Variants in CYRIA observed in about 807,000 individuals in gnomAD.
CYRIA encodes the protein CYFIP-related Rac1 interactor A.
CYRIA carries 15 observed loss-of-function variants against 43.9 expected under a neutral mutation model. That is an observed-to-expected ratio of 0.34 (90% CI 0.23 to 0.53). The LOEUF (loss-of-function observed/expected upper bound fraction) is 0.53. CYRIA is among the 20% of genes least tolerant of loss of function. The probability of loss-of-function intolerance (pLI) is 0.94; values close to 1 mark genes in which losing one functional copy is unlikely to be tolerated. For synonymous variants in CYRIA, 117 were observed against 136.0 expected, an observed-to-expected ratio of 0.86 and a Z score of 0.97; for missense variants, 236 against 394.2, an observed-to-expected ratio of 0.60 and a Z score of 3.40.
chr2:16,587,726 T>C (rs1261526494), intron 3 of CYRIA, among the ~76,000 whole-genome samples: 2 of 151,992 alleles, frequency 1.3e-5, no homozygotes, highest in Non-Finnish European at 2.9e-5. Context: ...TGACAGTGAA[T>C]AGGAGTTTCA....
At chr2:16,592,818 A>G (rs1181238505) in intron 2 of CYRIA, among the ~76,000 whole-genome samples, 1 of 152,202 alleles carries the variant, frequency 6.6e-6, no homozygotes, top group Non-Finnish European at 1.5e-5. Flanking sequence ...GAAAAAAACA[A>G]AAAGCTGTAC....
chr2:16,622,292 T>C (rs2103508510), intron 2 of CYRIA, among the ~76,000 whole-genome samples: 1 of 152,268 alleles, frequency 6.6e-6, no homozygotes. Flanking sequence ...AGAGAAAACC[T>C]TCCAATGGCC....
At chr2:16,554,985 G>A (rs1666455011) in intron 11 of CYRIA, 84 bp downstream of exon 11, 3 of 998,454 alleles carry the variant, frequency 3.0e-6, no homozygotes. Flanking sequence ...GTTAAGTTTG[G>A]TGCTATCCAC....
intron 2 of CYRIA, among the ~76,000 whole-genome samples, chr2:16,621,267 G>A (rs763410101): frequency 8.5e-5 from 13 of 152,176 alleles, no homozygotes; most frequent in Non-Finnish European, 1.9e-4. Flanking sequence ...ACCTGTGGGA[G>A]GTTCCAGTGG....
At position 16,650,038 on chromosome 2, in the gene CYRIA, A is replaced by C. The variant is rs1401790012; in HGVS notation, c.-167+15742T>G. The stretch of plus-strand genomic sequence containing the variant: ...GAGCATGACACATTCCAAGAAGCAC[A>C]CACCCCCTCAGCCCAGGTTCCAGAA... On this transcript the variant is annotated intron_variant, in intron 1 of 11. Transcript: ENST00000381323. This position sits in a 1 kb window ranked among gnomAD's most constrained non-coding sequence, Gnocchi z 4.1. Among the ~76,000 whole-genome samples the C allele has an allele frequency of 1.3e-5, 2 of 152,150 alleles. No homozygotes were observed. Among genetic ancestry groups the C allele is most frequent in the Admixed American group, 1.3e-4 (2 of 15,282 alleles).
chr2:16,647,874 G>C (rs1339395583), intron 1 of CYRIA, among the ~76,000 whole-genome samples: 1 of 152,100 alleles, frequency 6.6e-6, no homozygotes, highest in Non-Finnish European at 1.5e-5. Flanking sequence ...CCTGTGAATG[G>C]CCTTTGTGCT....
In CYRIA at chr2:16,560,975, T is replaced by G. The variant is rs1215865133; in HGVS notation, c.710+15A>C. Reference sequence around the variant, plus strand: ...GTGAAGTCTCAACCACGAATACATCTCTGATTTAACTTACGGAGTTTCCAG... The same window carrying G: ...GTGAAGTCTCAACCACGAATACATCGCTGATTTAACTTACGGAGTTTCCAG... On this transcript the variant is annotated intron_variant, in intron 9 of 11. Transcript: ENST00000381323. 2.5e-6 allele frequency: 4 copies of G among 1,611,250 alleles called. No individual in the cohort carries two copies. Among genetic ancestry groups the G allele is most frequent in the Non-Finnish European group, 3.4e-6 (4 of 1,177,604 alleles).
chr2:16,618,503 C>T (rs917304887), intron 2 of CYRIA, among the ~76,000 whole-genome samples: 20 of 152,232 alleles, frequency 1.3e-4, no homozygotes, highest in African/African-American at 4.8e-4. Flanking sequence ...CCCCTAAGAA[C>T]AAGAAACCAG....
rs1666332700 is a variant in CYRIA, at chr2:16,552,018, T to C, written c.*918A>G. On this transcript the variant is annotated 3_prime_UTR_variant, in exon 12 of 12. Coordinates refer to ENST00000381323, the MANE Select transcript of CYRIA (RefSeq NM_030797.4). ...AATGCAGTATCCTAGACCTTTGTTC[T>C]CATATGAATGGTCTTCAGAGAACAG... 1 of 152,128 alleles carries C rather than the reference T, an allele frequency of 6.6e-6. No individual in the cohort carries two copies. Among genetic ancestry groups the C allele is most frequent in the Non-Finnish European group, 1.5e-5 (1 of 68,010 alleles). The allele number at this position is 152,128 out of a possible 1,614,324, so 9.4% of individuals were successfully genotyped here.
intron 2 of CYRIA, among the ~76,000 whole-genome samples, chr2:16,598,790 TGGA>T (rs987860988): frequency 4.2e-5 from 5 of 118,322 alleles, no homozygotes; most frequent in African/African-American, 1.8e-4. Flanking sequence ...TGCGTTCCTT[TGGA>T]GGAGGAGAGG....
In CYRIA at chr2:16,590,044, G is replaced by GAGA. The variant is rs1020609816; in HGVS notation, c.-10-1916_-10-1915insTCT. Reference sequence around the variant, plus strand: ...TCCTAGACATCTCTCACCTTGAGGTGTAGGAATATATTTGGGCATGCATGC... The same window carrying GAGA: ...TCCTAGACATCTCTCACCTTGAGGTGAGATAGGAATATATTTGGGCATGCATGC... On this transcript the variant is annotated intron_variant, in intron 2 of 11. Transcript: ENST00000381323. 2.9e-4 allele frequency among the ~76,000 whole-genome samples: 44 copies of GAGA among 151,058 alleles called. No individual in the cohort carries two copies. The East Asian group carries it at 8.2e-3, about 28-fold the overall frequency.
chr2:16,563,879 G>T, intron 5 of CYRIA, 110 bp downstream of exon 5: 1 of 685,732 alleles, frequency 1.5e-6, no homozygotes, highest in Non-Finnish European at 2.5e-6. Context: ...ATTTGATACA[G>T]TGGATGGATG....
chr2:16,600,007 C>T (rs559311115), intron 2 of CYRIA, among the ~76,000 whole-genome samples: 19 of 152,272 alleles, frequency 1.2e-4, no homozygotes, highest in African/African-American at 3.6e-4. Flanking sequence ...CCACCCGCCT[C>T]GGTCTCCCAA....
chr2:16,610,897 CATATATAT>C lies in CYRIA; in HGVS notation c.-11+12959_-11+12966del, dbSNP rs60848949. On this transcript the variant is annotated intron_variant, in intron 2 of 11. Coordinates refer to ENST00000381323, the MANE Select transcript of CYRIA (RefSeq NM_030797.4). ...TAGGATTGACTTCTTTTAGTCCCAACATATATATATATATATATATATATATATATATA... is the reference window on the plus strand; with the variant it reads ...TAGGATTGACTTCTTTTAGTCCCAACATATATATATATATATATATATATA... Among the ~76,000 whole-genome samples, 129 of 92,584 alleles carry C rather than the reference CATATATAT, an allele frequency of 1.4e-3. 2 individuals carry two copies. The highest frequency in any genetic ancestry group is 0.012 in the East Asian group (18 of 1,534). 60.7% of individuals were successfully genotyped at this position (92,584 alleles called of 152,430 possible).
At chr2:16,621,902 C>G (rs1410028626) in intron 2 of CYRIA, among the ~76,000 whole-genome samples, 1 of 152,072 alleles carries the variant, frequency 6.6e-6, no homozygotes, top group Admixed American at 6.5e-5. Flanking sequence ...ATCCCTTGAT[C>G]CTACTTGAAT....
chr2:16,615,417 C>T (rs773906158), intron 2 of CYRIA, among the ~76,000 whole-genome samples: 19 of 152,218 alleles, frequency 1.2e-4, no homozygotes, highest in Non-Finnish European at 2.2e-4. Context: ...ATTAGTTCCA[C>T]TTGCACAAAT....
chr2:16,651,438 G>GA (rs1445956978), intron 1 of CYRIA, among the ~76,000 whole-genome samples: 2 of 152,152 alleles, frequency 1.3e-5, no homozygotes, highest in African/African-American at 4.8e-5. Context: ...CTGACAGCTG[G>GA]AAAAAATCCC....
chr2:16,562,269 A>C (rs1157227373), intron 5 of CYRIA, 128 bp from the exon 6 acceptor site: 18 of 1,018,834 alleles, frequency 1.8e-5, no homozygotes, highest in Non-Finnish European at 2.5e-5. Flanking sequence ...TAACTACGTG[A>C]GGTGTGCTGC....
intron 1 of CYRIA, among the ~76,000 whole-genome samples, chr2:16,629,299 C>G (rs1007625172): frequency 6.6e-6 from 1 of 152,210 alleles, no homozygotes; most frequent in Non-Finnish European, 1.5e-5. Context: ...TCCCTTTTCC[C>G]CTGACTGGGC....
Sources: allele counts gnomAD v4.1 joint callset (sites outside exome capture counted in the v4.1 genomes callset), GRCh38; gene constraint gnomAD v4.1.1; non-coding constraint Gnocchi (gnomAD v3.1); transcripts MANE v1.5; gene names NCBI Gene and HGNC (gene_info 2026-07-23, HGNC 2026-07-21).